Variants in RTL4 observed in about 807,000 individuals in gnomAD.
RTL4 encodes the protein retrotransposon Gag like 4, also known as retrotransposon Gag-like protein 4.
In RTL4, 4 loss-of-function variants were observed where a neutral mutation model predicts 5.3. That is an observed-to-expected ratio of 0.75 (90% CI 0.37 to 1.72). RTL4 has a LOEUF of 1.72. RTL4 is among the 40% of genes most tolerant of loss of function. The pLI, the probability that RTL4 is intolerant of heterozygous loss-of-function variation, is 0.04. For synonymous variants in RTL4, 98 were observed against 87.3 expected, an observed-to-expected ratio of 1.12 and a Z score of -0.68; for missense variants, 260 against 227.1, an observed-to-expected ratio of 1.14 and a Z score of -0.93.
At chrX:112,426,859 C>T in the RTL4 span, among the ~76,000 whole-genome samples, 1 of 110,430 alleles carries the variant, frequency 9.1e-6, no homozygotes, top group African/African-American at 3.3e-5. Context: ...GCACTTGCAT[C>T]CCGGAACTTA....
chrX:112,128,695 G>A, the RTL4 span, among the ~76,000 whole-genome samples: 11 of 105,469 alleles, frequency 1.0e-4, no homozygotes, highest in Non-Finnish European at 9.8e-5. Flanking sequence ...GAACTTAGAA[G>A]TTGGGTCCCT....
the RTL4 span, among the ~76,000 whole-genome samples, chrX:112,291,838 G>GC: frequency 1.1e-4 from 12 of 109,826 alleles, no homozygotes. Context: ...CTCGTAATCC[G>GC]CCCCCCTCGG....
chrX:112,253,424 C>G, the RTL4 span, among the ~76,000 whole-genome samples: 4 of 112,191 alleles, frequency 3.6e-5, no homozygotes, highest in Non-Finnish European at 7.5e-5. Flanking sequence ...AAGTCATCCA[C>G]TCTAGAAAAC....
At chrX:112,429,315 T>G in the RTL4 span, among the ~76,000 whole-genome samples, 1 of 111,489 alleles carries the variant, frequency 9.0e-6, no homozygotes, top group Non-Finnish European at 1.9e-5. Flanking sequence ...AATATTAATT[T>G]TATTTCCTTT....
At chrX:112,113,627 C>T in the RTL4 span, among the ~76,000 whole-genome samples, 1 of 111,516 alleles carries the variant, frequency 9.0e-6, no homozygotes, top group Non-Finnish European at 1.9e-5. Context: ...CGGGCACCCT[C>T]AGTCCTATTG....
At chrX:112,420,627 G>A in the RTL4 span, among the ~76,000 whole-genome samples, 1 of 111,704 alleles carries the variant, frequency 9.0e-6, no homozygotes, top group East Asian at 2.8e-4. Context: ...GTCTTTGTGA[G>A]GAGAAAAATG....
the RTL4 span, among the ~76,000 whole-genome samples, chrX:112,153,282 G>A: frequency 9.0e-6 from 1 of 111,593 alleles, no homozygotes; most frequent in Admixed American, 9.5e-5. Flanking sequence ...AGAAAAAATA[G>A]TCATTCATAG....
chrX:112,402,476 C>T, the RTL4 span, among the ~76,000 whole-genome samples: 1 of 105,280 alleles, frequency 9.5e-6, no homozygotes, highest in Non-Finnish European at 1.9e-5. Flanking sequence ...CAGTTTGAGA[C>T]CATGTTTATC....
the RTL4 span, among the ~76,000 whole-genome samples, chrX:112,322,714 C>A: frequency 9.0e-6 from 1 of 110,978 alleles, no homozygotes; most frequent in Middle Eastern, 4.3e-3. Context: ...AGGATATATT[C>A]TTTGACACTG....
the RTL4 span, among the ~76,000 whole-genome samples, chrX:112,200,587 T>C: frequency 3.6e-5 from 4 of 111,794 alleles, no homozygotes; most frequent in African/African-American, 1.3e-4. Context: ...AATCCAGTTA[T>C]TGAATTAAGA....
chrX:112,102,171 A>C, the RTL4 span, among the ~76,000 whole-genome samples: 35 of 111,516 alleles, frequency 3.1e-4, no homozygotes, highest in South Asian at 2.6e-3. Context: ...ATATACATTA[A>C]CTAATTTCAT....
chrX:112,207,229 T>G, the RTL4 span, among the ~76,000 whole-genome samples: 1 of 111,624 alleles, frequency 9.0e-6, no homozygotes, highest in Non-Finnish European at 1.9e-5. Context: ...TTCTCTTAAC[T>G]CCATTTGTCT....
At chrX:112,442,764 T>C in the RTL4 span, among the ~76,000 whole-genome samples, 4 of 111,067 alleles carry the variant, frequency 3.6e-5, no homozygotes, top group Admixed American at 3.8e-4. Context: ...CTAAATCTTA[T>C]TTTTTTAATA....
chrX:112,140,175 C>G, the RTL4 span, among the ~76,000 whole-genome samples: 1 of 111,682 alleles, frequency 9.0e-6, no homozygotes, highest in Non-Finnish European at 1.9e-5. Flanking sequence ...TTTTGACATG[C>G]CCCATGTTTT....
upstream of RTL4, among the ~76,000 whole-genome samples, chrX:112,451,586 C>A (rs1296798287): frequency 8.9e-6 from 1 of 111,758 alleles, no homozygotes; most frequent in African/African-American, 3.3e-5. Flanking sequence ...CATTATGAGG[C>A]AGGTATTATA....
At chrX:112,143,835 A>G in the RTL4 span, among the ~76,000 whole-genome samples, 1 of 112,068 alleles carries the variant, frequency 8.9e-6, no homozygotes, top group Non-Finnish European at 1.9e-5. Context: ...TTGCAAGCTA[A>G]CAATTTCTTA....
chrX:112,112,923 A>G, the RTL4 span, among the ~76,000 whole-genome samples: 8 of 111,587 alleles, frequency 7.2e-5, no homozygotes, highest in Middle Eastern at 4.2e-3. Context: ...TTTCTCTGGT[A>G]TTTGAGAGAG....
At chrX:112,179,582 CAA>C in the RTL4 span, among the ~76,000 whole-genome samples, 1 of 111,261 alleles carries the variant, frequency 9.0e-6, no homozygotes, top group Non-Finnish European at 1.9e-5. Context: ...GCTTGAGGCC[CAA>C]AGAGTCAATT....
the RTL4 span, among the ~76,000 whole-genome samples, chrX:112,184,012 T>A: frequency 1.8e-5 from 2 of 110,890 alleles, no homozygotes; most frequent in Non-Finnish European, 3.8e-5. Context: ...CTGGCTCAAA[T>A]GGTATTTCTA....
Sources: gnomAD v4.1 joint callset for allele counts (sites outside exome capture counted in the v4.1 genomes callset) on GRCh38, gnomAD v4.1.1 for gene constraint, MANE v1.5 for transcripts, NCBI Gene and HGNC (gene_info 2026-07-23, HGNC 2026-07-21) for gene names.